ABCA13: variants seen among roughly 807,000 people sequenced by gnomAD.
ABCA13 encodes ATP-binding cassette sub-family A member 13.
A neutral mutation model predicts 478.7 loss-of-function variants in ABCA13; 476 were observed. The ratio of observed to expected loss-of-function variants is 0.99; its 90% CI spans 0.92 to 1.07. The LOEUF is 1.07. ABCA13 is among the 50% of genes least tolerant of loss of function. The pLI is 0.00. For missense variants in ABCA13, 6,060 were observed against 5,910.6 expected (o/e 1.03, Z -0.83); for synonymous variants, 2,252 against 2,158.9 (o/e 1.04, Z -1.20).
chr7:48,636,528 T>C (rs533180387), intron 59 of ABCA13, among the ~76,000 whole-genome samples: 4 of 152,272 alleles, frequency 2.6e-5, no homozygotes, highest in Admixed American at 2.0e-4. Context: ...TTCTATGAAC[T>C]CCTGGTGAGT....
chr7:48,606,936 C>T (rs1468853684), intron 58 of ABCA13, among the ~76,000 whole-genome samples: 2 of 152,214 alleles, frequency 1.3e-5, no homozygotes, highest in African/African-American at 4.8e-5. Context: ...TCTAGAGAGA[C>T]ACTTAGCCTT....
intron 31 of ABCA13, among the ~76,000 whole-genome samples, chr7:48,359,898 G>A (rs73099307): frequency 0.082 from 12,491 of 151,956 alleles, 626 homozygotes; most frequent in East Asian, 0.16. Context: ...CCAGGAGCAA[G>A]GCTTACTAAA....
At chr7:48,528,405 C>T (rs1404152768) in intron 55 of ABCA13, 60 bp downstream of exon 55, 27 of 1,177,962 alleles carry the variant, frequency 2.3e-5, no homozygotes, top group Admixed American at 6.1e-5. Context: ...AGAGAACCCC[C>T]AGCATTTTCC....
intron 32 of ABCA13, among the ~76,000 whole-genome samples, chr7:48,368,381 G>A (rs1055652748): frequency 4.6e-5 from 7 of 151,814 alleles, no homozygotes; most frequent in Admixed American, 6.6e-5. Context: ...CTTCGGTAGC[G>A]ATTTCTGAGA....
chr7:48,466,068 T>C (rs4917150), intron 43 of ABCA13, among the ~76,000 whole-genome samples: 54,265 of 151,990 alleles, frequency 0.36, 9,786 homozygotes, highest in East Asian at 0.46. Context: ...TTATAAATAA[T>C]GCAATGTAAG....
intron 3 of ABCA13, among the ~76,000 whole-genome samples, chr7:48,202,699 C>G (rs1798954808): frequency 6.6e-6 from 1 of 152,062 alleles, no homozygotes. Flanking sequence ...CTGGTGCACT[C>G]ACAAACCCTG....
At chr7:48,293,126 G>A (rs1040880051) in intron 20 of ABCA13, among the ~76,000 whole-genome samples, 9 of 151,770 alleles carry the variant, frequency 5.9e-5, no homozygotes, top group East Asian at 1.9e-4. Context: ...TGGTTGAGGC[G>A]GTGGTGACAG....
In ABCA13 at chr7:48,171,623, T is replaced by C. The variant is rs1794083046; in HGVS notation, c.69+71T>C. 2.1e-6 allele frequency: 3 copies of C among 1,461,716 alleles called. No homozygotes were observed. In the East Asian group the frequency reaches 7.4e-5, roughly 36 times the overall value. The allele number at this position is 1,461,716 out of a possible 1,614,324, so 90.5% of individuals were successfully genotyped here. Reference sequence around the variant, plus strand: ...AGCAAGATCAGGGTCTATTCTTTCCTGCCTGCCTCTGCCTCCTGGCAGGTA... The same window carrying C: ...AGCAAGATCAGGGTCTATTCTTTCCCGCCTGCCTCTGCCTCCTGGCAGGTA... On this transcript the variant is annotated intron_variant, in intron 1 of 61. Coordinates refer to ENST00000435803, the MANE Select transcript of ABCA13 (RefSeq NM_152701.5).
intron 55 of ABCA13, among the ~76,000 whole-genome samples, chr7:48,579,914 G>A (rs1389172000): frequency 2.6e-5 from 4 of 152,156 alleles, no homozygotes; most frequent in Non-Finnish European, 5.9e-5. Flanking sequence ...CTTTGTAAAT[G>A]TGAATTTCCT....
chr7:48,619,226 G>A (rs1367238794), intron 59 of ABCA13, among the ~76,000 whole-genome samples: 1 of 151,992 alleles, frequency 6.6e-6, no homozygotes, highest in Non-Finnish European at 1.5e-5. Flanking sequence ...TGAGATTATA[G>A]AGTTGTATTA....
At chr7:48,242,311 C>T (rs2129015817) in intron 10 of ABCA13, among the ~76,000 whole-genome samples, 1 of 152,198 alleles carries the variant, frequency 6.6e-6, no homozygotes, top group African/African-American at 2.4e-5. Context: ...CTATACCACA[C>T]TCTAGGTACA....
intron 26 of ABCA13, 92 bp downstream of exon 26, chr7:48,314,501 A>AGCAACCTTATACAC: frequency 8.2e-7 from 1 of 1,215,258 alleles, no homozygotes; most frequent in Non-Finnish European, 1.1e-6. Context: ...GTCTGTGTAT[A>AGCAACCTTATACAC]AGGTTGCTAT....
In ABCA13 at chr7:48,271,881, T is replaced by G. The variant is rs868242254; in HGVS notation, c.2215T>G (p.Phe739Val). Residue 739 changes from phenylalanine to valine, a missense_variant, in exon 17 of 62, where the codon TTT becomes GTT. Transcript: ENST00000435803. ...GAACTTTCTTTTATCATTTGTGGAATTTTTTGAGAAATTATTGTTGCCTAA... is the reference window on the plus strand; with the variant it reads ...GAACTTTCTTTTATCATTTGTGGAAGTTTTTGAGAAATTATTGTTGCCTAA... ...QMNFLLSFVE[F>V]FEKLLLPNLF... is the part of the protein sequence containing the mutation. The G allele has an allele frequency of 3.7e-6, 6 of 1,610,974 alleles. No individual in the cohort carries two copies. The Middle Eastern group carries it at 5.0e-4, about 133-fold the overall frequency.
chr7:48,612,155 C>A (rs907768074), intron 58 of ABCA13: 1 of 152,124 alleles, frequency 6.6e-6, no homozygotes, highest in Non-Finnish European at 1.5e-5. Flanking sequence ...TCATCAGCAC[C>A]GTATCTACAT....
chr7:48,423,938 T>C (rs1330396220), intron 41 of ABCA13, among the ~76,000 whole-genome samples: 1 of 152,232 alleles, frequency 6.6e-6, no homozygotes, highest in Non-Finnish European at 1.5e-5. Flanking sequence ...GAAAAGAATA[T>C]TCTACTTCTT....
At chr7:48,370,457 C>A (rs1279220355) in intron 32 of ABCA13, among the ~76,000 whole-genome samples, 2 of 152,044 alleles carry the variant, frequency 1.3e-5, no homozygotes, top group African/African-American at 4.8e-5. Flanking sequence ...AAGTGGGCAT[C>A]CTTATCTTGT....
chr7:48,402,533 G>A (rs1230418680), intron 38 of ABCA13, among the ~76,000 whole-genome samples: 1 of 152,212 alleles, frequency 6.6e-6, no homozygotes, highest in Non-Finnish European at 1.5e-5. Flanking sequence ...GATTTAACCA[G>A]CAGAAAATGC....
chr7:48,580,230 C>A lies in ABCA13; in HGVS notation c.14361C>A (p.Ala4787=). 2 of 1,609,678 alleles carry A rather than the reference C, an allele frequency of 1.2e-6. No homozygotes were observed. Among genetic ancestry groups the A allele is most frequent in the South Asian group, 1.1e-5 (1 of 90,300 alleles). ...GTGCTGCTTCTCTCTGCAGAGACGCCGTGGACCTGTCTTCTGCTGGCACGG... is the reference window on the plus strand; with the variant it reads ...GTGCTGCTTCTCTCTGCAGAGACGCAGTGGACCTGTCTTCTGCTGGCACGG... ...HAIIRTPMGD[A]VDLSSAGTAG... The change falls in exon 56 of 62, where the codon GCC becomes GCA. Residue 4787 remains alanine, a synonymous_variant. Coordinates refer to ENST00000435803, the MANE Select transcript of ABCA13 (RefSeq NM_152701.5).
chr7:48,390,746 C>A (rs1302925391), intron 37 of ABCA13, among the ~76,000 whole-genome samples: 1 of 152,166 alleles, frequency 6.6e-6, no homozygotes, highest in African/African-American at 2.4e-5. Flanking sequence ...GGGACCCAGG[C>A]ATGGTGGTGG....
Sources: gnomAD v4.1 joint callset for allele counts (sites outside exome capture counted in the v4.1 genomes callset) on GRCh38, gnomAD v4.1.1 for gene constraint, MANE v1.5 for transcripts, NCBI Gene and HGNC (gene_info 2026-07-23, HGNC 2026-07-21) for gene names.